The following FHIT variants were observed in gnomAD, a reference collection of about 807,000 sequenced individuals.
The protein encoded by FHIT is fragile histidine triad diadenosine triphosphatase.
A neutral mutation model predicts 17.9 loss-of-function variants in FHIT; 19 were observed. The ratio of observed to expected loss-of-function variants is 1.06; its 90% CI spans 0.74 to 1.56. The LOEUF is 1.56. Ranked by LOEUF, FHIT falls within the 40% of genes most tolerant of loss-of-function variation. FHIT has a pLI of 0.00. For synonymous variants in FHIT, 81 were observed against 69.7 expected (o/e 1.16, Z -0.81); for missense variants, 248 against 189.2 (o/e 1.31, Z -1.82).
intron 4 of FHIT, among the ~76,000 whole-genome samples, chr3:60,690,002 T>G (rs1269023375): frequency 1.3e-5 from 2 of 152,204 alleles, no homozygotes; most frequent in African/African-American, 4.8e-5. Flanking sequence ...TGAATTCTTT[T>G]GTTGTTGTTG....
intron 4 of FHIT, among the ~76,000 whole-genome samples, chr3:60,722,887 G>A (rs982720570): frequency 4.0e-5 from 6 of 151,764 alleles, no homozygotes; most frequent in East Asian, 3.9e-4. Context: ...CACATCCAGC[G>A]AATTTTTTGT....
rs1489298549 is a variant in FHIT, at chr3:59,748,517, GGGCAGGGTTGTATTAACAA to G, written c.*1049_*1067del. The stretch of plus-strand genomic sequence containing the variant: ...TAGTGTGACCAGGGAGGCAGGTGCT[GGGCAGGGTTGTATTAACAA>G]GGCAGGTAAGGAAGAAGTCCAGCAG... On this transcript the variant is annotated 3_prime_UTR_variant, in exon 10 of 10. Coordinates refer to ENST00000492590, the MANE Select transcript of FHIT (RefSeq NM_002012.4). Among the ~76,000 whole-genome samples the G allele has an allele frequency of 6.6e-6, 1 of 152,058 alleles. No individual in the cohort carries two copies. Among genetic ancestry groups the G allele is most frequent in the African/African-American group, 2.4e-5 (1 of 41,410 alleles).
At chr3:61,137,871 C>G (rs911861944) in intron 2 of FHIT, among the ~76,000 whole-genome samples, 1 of 152,224 alleles carries the variant, frequency 6.6e-6, no homozygotes, top group Non-Finnish European at 1.5e-5. Flanking sequence ...TGCAGCCTCA[C>G]ACAGTCTTTT....
chr3:61,125,934 G>C (rs1297175010), intron 2 of FHIT, among the ~76,000 whole-genome samples: 2 of 152,208 alleles, frequency 1.3e-5, no homozygotes. Flanking sequence ...TGTGAAGTAG[G>C]TATTACCTAT....
chr3:60,224,940 C>T (rs1704125733), intron 5 of FHIT, among the ~76,000 whole-genome samples: 2 of 152,000 alleles, frequency 1.3e-5, no homozygotes, highest in East Asian at 1.9e-4. Flanking sequence ...AGACTGGTCT[C>T]GAACTCCTGA....
At chr3:61,231,251 G>A (rs2040093051) in intron 1 of FHIT, among the ~76,000 whole-genome samples, 1 of 152,106 alleles carries the variant, frequency 6.6e-6, no homozygotes, top group Non-Finnish European at 1.5e-5. Flanking sequence ...CCCCATTTTG[G>A]AAGGCCAAGG....
At chr3:60,206,749 C>T (rs1055099513) in intron 5 of FHIT, among the ~76,000 whole-genome samples, 4 of 151,598 alleles carry the variant, frequency 2.6e-5, no homozygotes, top group Admixed American at 2.6e-4. Context: ...CAGGCTATTT[C>T]AATAGAGTAC....
chr3:60,009,160 ATT>A (rs1189749557), intron 7 of FHIT, among the ~76,000 whole-genome samples: 10 of 96,194 alleles, frequency 1.0e-4, no homozygotes, highest in East Asian at 3.9e-4. Context: ...GTTCTCTGGG[ATT>A]TTATGTGTGT....
chr3:60,281,107 G>A (rs71313762), intron 5 of FHIT, among the ~76,000 whole-genome samples: 37,595 of 108,514 alleles, frequency 0.35, 5,406 homozygotes, highest in East Asian at 0.76. Context: ...TTATATTAGC[G>A]TAAAAAATAA....
Position 60,659,379 on chromosome 3 carries a change from C to T in FHIT, c.-17-122400G>A, listed in dbSNP as rs192033796. ...CAAATAATCTCTCTATTCTTTCTCT[C>T]TCTTCTTAAGCTTCTGAACTCTCAC... On this transcript the variant is annotated intron_variant, in intron 4 of 9. Coordinates refer to ENST00000492590, the MANE Select transcript of FHIT (RefSeq NM_002012.4). 5.7e-3 allele frequency among the ~76,000 whole-genome samples: 874 copies of T among 152,104 alleles called. 9 individuals are homozygous for T. The highest frequency in any genetic ancestry group is 5.0e-3 in the Non-Finnish European group (337 of 67,994).
chr3:59,758,059 C>A (rs2106766258), intron 8 of FHIT, among the ~76,000 whole-genome samples: 1 of 152,308 alleles, frequency 6.6e-6, no homozygotes. Flanking sequence ...ACTAGAAGTT[C>A]CATCAAAGTG....
intron 7 of FHIT, among the ~76,000 whole-genome samples, chr3:59,942,796 G>A (rs1706591946): frequency 6.6e-6 from 1 of 152,088 alleles, no homozygotes; most frequent in South Asian, 2.1e-4. Context: ...CTACAGGCAT[G>A]CACCACATTG....
intron 4 of FHIT, among the ~76,000 whole-genome samples, chr3:60,673,606 G>A (rs1553694561): frequency 6.6e-6 from 1 of 151,960 alleles, no homozygotes. Context: ...GGTTTGATAG[G>A]TACAGCAAAC....
rs142809603 is a variant in FHIT at position 60,572,712 on chromosome 3, G to A, written c.-17-35733C>T. ...ACAAAAAAATATATGGTCCATTGAT[G>A]GAAAGGATAGAAGGCTTTAGATGGG... is the stretch of plus-strand genomic sequence containing the variant. On this transcript the variant is annotated intron_variant, in intron 4 of 9. Coordinates refer to ENST00000492590, the MANE Select transcript of FHIT (RefSeq NM_002012.4). Among the ~76,000 whole-genome samples the A allele has an allele frequency of 1.4e-3, 209 of 152,220 alleles. 3 individuals are homozygous for A. The highest frequency in any genetic ancestry group is 4.7e-3 in the African/African-American group (196 of 41,530).
At chr3:60,690,748 G>T in intron 4 of FHIT, 1 of 386,838 alleles carries the variant, frequency 2.6e-6, no homozygotes. Flanking sequence ...CCCAGTGGCA[G>T]CACCATCTGT....
At chr3:60,532,015 A>G (rs1011870256) in intron 5 of FHIT, among the ~76,000 whole-genome samples, 1 of 152,236 alleles carries the variant, frequency 6.6e-6, no homozygotes, top group Non-Finnish European at 1.5e-5. Flanking sequence ...TATACTTTGT[A>G]AGGCTGTCCC....
At chr3:60,891,225 C>T (rs987069010) in intron 3 of FHIT, among the ~76,000 whole-genome samples, 1 of 152,134 alleles carries the variant, frequency 6.6e-6, no homozygotes, top group South Asian at 2.1e-4. Flanking sequence ...TTCCCATCAT[C>T]CGTGCACCCA....
chr3:59,924,186 A>G (rs894289538), intron 7 of FHIT, among the ~76,000 whole-genome samples: 5 of 152,234 alleles, frequency 3.3e-5, no homozygotes, highest in African/African-American at 7.2e-5. Flanking sequence ...AAAATAACGT[A>G]GAACAAGGAT....
chr3:61,077,469 C>A (rs559472380), intron 2 of FHIT, among the ~76,000 whole-genome samples: 56 of 151,610 alleles, frequency 3.7e-4, no homozygotes, highest in South Asian at 2.9e-3. Context: ...TTAAAAAAAA[C>A]AAACAAACAA....
Sources: gnomAD v4.1 joint callset for allele counts (sites outside exome capture counted in the v4.1 genomes callset) on GRCh38, gnomAD v4.1.1 for gene constraint, MANE v1.5 for transcripts, NCBI Gene and HGNC (gene_info 2026-07-23, HGNC 2026-07-21) for gene names.